Variants in TMEM263 observed in about 807,000 individuals in gnomAD.
TMEM263 encodes the protein UPF0444 transmembrane protein C12orf23.
In TMEM263, 5 loss-of-function variants were observed where a neutral mutation model predicts 8.6. The observed-to-expected ratio is 0.58, with a 90% CI of 0.31 to 1.23. TMEM263 has a LOEUF of 1.23. TMEM263 is among the 50% of genes most tolerant of loss of function. The probability of loss-of-function intolerance (pLI) is 0.07; values close to 1 mark genes in which losing one functional copy is unlikely to be tolerated. For synonymous variants in TMEM263, 50 were observed against 47.9 expected, an observed-to-expected ratio of 1.04 and a Z score of -0.18; for missense variants, 104 against 138.8, an observed-to-expected ratio of 0.75 and a Z score of 1.26.
rs1951708001 is a variant in TMEM263 at position 106,957,166 on chromosome 12, GT to G, written c.-7+18del. 13 of 22,982 alleles carry G rather than the reference GT, an allele frequency of 5.7e-4. No homozygotes were observed. Among genetic ancestry groups the G allele is most frequent in the African/African-American group, 4.7e-3 (1 of 214 alleles). The allele number at this position is 22,982 out of a possible 1,614,324, so 1.4% of individuals were successfully genotyped here. A position where few individuals can be genotyped will look rare whatever the true frequency, so the allele number is the denominator to read the frequency against. The stretch of plus-strand genomic sequence containing the variant: ...CACCAACAGGTAAACGCGCGCGCCC[GT>G]GTGTGTGTGTGTGTGTGTGTGTGTG... On this transcript the variant is annotated intron_variant, in intron 2 of 3. Transcript: ENST00000280756.
rs1411843469 is a variant in TMEM263 at position 106,972,524 on chromosome 12, G to C, written c.*1133G>C. On this transcript the variant is annotated 3_prime_UTR_variant, in exon 4 of 4. Transcript: ENST00000280756. Reference sequence around the variant, plus strand: ...ATAAAGTATATAAAAGTGCATCAGTGGTTTATATAGGCTTTAAAAACATGT... The same window carrying C: ...ATAAAGTATATAAAAGTGCATCAGTCGTTTATATAGGCTTTAAAAACATGT... 6.6e-6 allele frequency: 1 copy of C among 152,024 alleles called. No homozygotes were observed. The highest frequency in any genetic ancestry group is 1.5e-5 in the Non-Finnish European group (1 of 67,970). The allele number at this position is 152,024 out of a possible 1,614,324, so 9.4% of individuals were successfully genotyped here.
In TMEM263 at chr12:106,973,357, C is replaced by A. The variant is rs961813527; in HGVS notation, c.*1966C>A. On this transcript the variant is annotated 3_prime_UTR_variant, in exon 4 of 4. Coordinates refer to ENST00000280756, the MANE Select transcript of TMEM263 (RefSeq NM_152261.4). ...TGCTAGTTTGTATTTCTAACTTCTA[C>A]AGTTATAGACTCCACTGTGCTTTGT... The A allele has an allele frequency of 6.6e-6, 1 of 152,658 alleles. No homozygotes were observed. The highest frequency in any genetic ancestry group is 2.1e-4 in the South Asian group (1 of 4,828). 9.5% of individuals were successfully genotyped at this position (152,658 alleles called of 1,614,324 possible).
At chr12:106,961,091 A>G (rs139108919) in intron 2 of TMEM263, among the ~76,000 whole-genome samples, 17 of 151,884 alleles carry the variant, frequency 1.1e-4, no homozygotes, top group East Asian at 9.7e-4. Context: ...GTCTCGCTCT[A>G]TGGCTGAGGC....
At chr12:106,956,202 C>A in intron 1 of TMEM263, 137 bp downstream of exon 1, 1 of 349,626 alleles carries the variant, frequency 2.9e-6, no homozygotes, top group Non-Finnish European at 4.0e-6. Flanking sequence ...GGCGAGGCCC[C>A]AGCGGGAAAG....
rs936690748 is a variant in TMEM263, at chr12:106,971,436, G to T, written c.*45G>T. 1.6e-5 allele frequency: 25 copies of T among 1,515,850 alleles called. No homozygotes were observed. Among genetic ancestry groups the T allele is most frequent in the Non-Finnish European group, 2.2e-5 (25 of 1,129,358 alleles). 93.9% of individuals were successfully genotyped at this position (1,515,850 alleles called of 1,614,324 possible). A position where few individuals can be genotyped will look rare whatever the true frequency, so the allele number is the denominator to read the frequency against. On this transcript the variant is annotated 3_prime_UTR_variant, in exon 4 of 4. Coordinates refer to ENST00000280756, the MANE Select transcript of TMEM263 (RefSeq NM_152261.4). Reference sequence around the variant, plus strand: ...GCTCCACAGCACTGTAATGCCAGTGGCATTGAATTGCTAAATTATGGACTA... The same window carrying T: ...GCTCCACAGCACTGTAATGCCAGTGTCATTGAATTGCTAAATTATGGACTA...
At chr12:106,969,073 A>C (rs1259260375) in intron 3 of TMEM263, among the ~76,000 whole-genome samples, 1 of 152,238 alleles carries the variant, frequency 6.6e-6, no homozygotes, top group East Asian at 1.9e-4. Flanking sequence ...GTATTTATGC[A>C]CTATTTTGCA....
At position 106,971,157 on chromosome 12, in the gene TMEM263, TG is replaced by T; in HGVS notation, c.122del (p.Gly41ValfsTer27). ...AGCCAGGCATGTTGTCCCGTGTGAC[TG>T]GGGGTATCTTCAGTGTTACAAAGGG... ...QQPGMLSRVTGGIFSVTKGAV... is the reference protein window; with the variant it reads ...QQPGMLSRVTXGIFSVTKGAV... On this transcript the variant is annotated frameshift_variant, in exon 4 of 4. Coordinates refer to ENST00000280756, the MANE Select transcript of TMEM263 (RefSeq NM_152261.4). LOFTEE classifies it high-confidence loss of function. 6.2e-7 allele frequency: 1 copy of T among 1,614,214 alleles called. No homozygotes were observed. The highest frequency in any genetic ancestry group is 2.2e-5 in the East Asian group (1 of 44,884).
intron 2 of TMEM263, among the ~76,000 whole-genome samples, chr12:106,963,017 C>T (rs1951799872): frequency 2.0e-5 from 3 of 152,202 alleles, no homozygotes; most frequent in Middle Eastern, 3.4e-3. Flanking sequence ...GTGGAGGGTG[C>T]TCATCTATTA....
At chr12:106,969,583 G>A (rs1488007074) in intron 3 of TMEM263, among the ~76,000 whole-genome samples, 2 of 151,896 alleles carry the variant, frequency 1.3e-5, no homozygotes, top group South Asian at 2.1e-4. Context: ...AAAATTAGCC[G>A]GGTGTGGTGG....
rs558559987 is a variant in TMEM263 at position 106,965,008 on chromosome 12, C to G, written c.-6-2103C>G. Reference sequence around the variant, plus strand: ...GATCACCTTACTCTTTTGTCCAGTGCCTTTTACTAGTTTCCCATCTCACTC... The same window carrying G: ...GATCACCTTACTCTTTTGTCCAGTGGCTTTTACTAGTTTCCCATCTCACTC... On this transcript the variant is annotated intron_variant, in intron 2 of 3. Transcript: ENST00000280756. Among the ~76,000 whole-genome samples the G allele has an allele frequency of 8.5e-5, 13 of 152,222 alleles. No individual in the cohort carries two copies. The East Asian group carries it at 2.1e-3, about 25-fold the overall frequency.
Position 106,956,000 on chromosome 12 carries a change from C to T in TMEM263, c.-140C>T. 1.0e-6 allele frequency: 1 copy of T among 986,612 alleles called. No individual in the cohort carries two copies. The highest frequency in any genetic ancestry group is 1.2e-6 in the Non-Finnish European group (1 of 830,970). 61.1% of individuals were successfully genotyped at this position (986,612 alleles called of 1,614,324 possible). ...GCCGCTGCCGCCCAGGCCGCCTCAG[C>T]TCTCCTCTGCGCCGGCCCGCTCACT... On this transcript the variant is annotated 5_prime_UTR_variant, in exon 1 of 4. Coordinates refer to ENST00000280756, the MANE Select transcript of TMEM263 (RefSeq NM_152261.4).
At chr12:106,967,661 T>C (rs768014321) in intron 3 of TMEM263, among the ~76,000 whole-genome samples, 1 of 152,054 alleles carries the variant, frequency 6.6e-6, no homozygotes, top group African/African-American at 2.4e-5. Flanking sequence ...TAAGAAAGCA[T>C]AGATAGTGGT....
At chr12:106,959,140 G>C (rs1951736771) in intron 2 of TMEM263, 1 of 152,218 alleles carries the variant, frequency 6.6e-6, no homozygotes, top group South Asian at 2.1e-4. Context: ...TAGGGCTCAA[G>C]TATATGTTGA....
Position 106,955,998 on chromosome 12 carries a change from A to G in TMEM263, c.-142A>G. ...CCGCCGCTGCCGCCCAGGCCGCCTC[A>G]GCTCTCCTCTGCGCCGGCCCGCTCA... is the stretch of plus-strand genomic sequence containing the variant. On this transcript the variant is annotated 5_prime_UTR_variant, in exon 1 of 4. Coordinates refer to ENST00000280756, the MANE Select transcript of TMEM263 (RefSeq NM_152261.4). 1 of 986,526 alleles carries G rather than the reference A, an allele frequency of 1.0e-6. No homozygotes were observed. Among genetic ancestry groups the G allele is most frequent in the Non-Finnish European group, 1.2e-6 (1 of 830,914 alleles). 61.1% of individuals were successfully genotyped at this position (986,526 alleles called of 1,614,324 possible).
intron 2 of TMEM263, among the ~76,000 whole-genome samples, chr12:106,966,631 A>G (rs1038472822): frequency 6.6e-6 from 1 of 152,200 alleles, no homozygotes; most frequent in Non-Finnish European, 1.5e-5. Context: ...CTTTGCCAGC[A>G]TCTGTTATAT....
At chr12:106,966,920 G>A (rs1374602403) in intron 2 of TMEM263, 191 bp from the exon 3 acceptor site, 1 of 516,856 alleles carries the variant, frequency 1.9e-6, no homozygotes, top group East Asian at 3.7e-5. Flanking sequence ...TTGTCTACTG[G>A]TATAATTTAA....
At chr12:106,967,843 A>G (rs941100846) in intron 3 of TMEM263, among the ~76,000 whole-genome samples, 15 of 152,228 alleles carry the variant, frequency 9.9e-5, no homozygotes, top group African/African-American at 2.9e-4. Flanking sequence ...AGCCTAATGC[A>G]AGAGGCATTA....
intron 2 of TMEM263, chr12:106,959,531 A>G (rs968576651): frequency 5.9e-5 from 9 of 152,102 alleles, no homozygotes; most frequent in African/African-American, 1.9e-4. Context: ...GCCCATTTTG[A>G]AATTTTTACT....
intron 3 of TMEM263, among the ~76,000 whole-genome samples, chr12:106,970,705 G>A (rs12309494): frequency 0.13 from 19,711 of 152,078 alleles, 1,374 homozygotes; most frequent in South Asian, 0.18. Context: ...AGATTGTTTC[G>A]GTAATGACTG....
Sources: allele counts gnomAD v4.1 joint callset (sites outside exome capture counted in the v4.1 genomes callset), GRCh38; gene constraint gnomAD v4.1.1; transcripts MANE v1.5; gene names NCBI Gene and HGNC (gene_info 2026-07-23, HGNC 2026-07-21).